The following UQCRC2 variants were observed in gnomAD, a reference collection of about 807,000 sequenced individuals.
UQCRC2 encodes cytochrome b-c1 complex subunit 2, mitochondrial.
Under a neutral mutation model 55.6 loss-of-function variants are expected in UQCRC2, and 49 were observed. The ratio of observed to expected loss-of-function variants is 0.88; its 90% CI spans 0.70 to 1.12. UQCRC2 has a LOEUF of 1.12. Ranked by LOEUF, UQCRC2 falls within the 50% of genes most tolerant of loss-of-function variation. UQCRC2 has a pLI of 0.00. For missense variants in UQCRC2, 506 were observed against 547.8 expected, an observed-to-expected ratio of 0.92 and a Z score of 0.76; for synonymous variants, 193 against 192.0, an observed-to-expected ratio of 1.01 and a Z score of -0.04.
At chr16:21,965,351 A>G in intron 6 of UQCRC2, 57 bp from the exon 7 acceptor site, 1 of 1,550,654 alleles carries the variant, frequency 6.4e-7, no homozygotes, top group South Asian at 1.1e-5. Context: ...TAGGTTTTAA[A>G]AATGTTGTCT....
In UQCRC2 at chr16:21,957,337, C is replaced by T. The variant is rs1294563813; in HGVS notation, c.117+19C>T. The T allele has an allele frequency of 6.2e-7, 1 of 1,613,972 alleles. No homozygotes were observed. Among genetic ancestry groups the T allele is most frequent in the Admixed American group, 1.7e-5 (1 of 60,012 alleles). ...CCTTGAGGTTAGTCCCACTAACTTG[C>T]TCGCTGGAAGCTATACATGCCTTAC... On this transcript the variant is annotated intron_variant, in intron 2 of 13. Coordinates refer to ENST00000268379, the MANE Select transcript of UQCRC2 (RefSeq NM_003366.4).
chr16:21,982,918 C>T (rs908886036), intron 13 of UQCRC2, among the ~76,000 whole-genome samples, 170 bp from the exon 14 acceptor site: 5 of 147,314 alleles, frequency 3.4e-5, no homozygotes, highest in African/African-American at 7.6e-5. Context: ...GAGCCAAGAT[C>T]GCAGCACTGC....
intron 4 of UQCRC2, among the ~76,000 whole-genome samples, chr16:21,958,817 A>C (rs1898136808): frequency 6.6e-6 from 1 of 152,154 alleles, no homozygotes; most frequent in South Asian, 2.1e-4. Flanking sequence ...ATATAGGCAT[A>C]CCTCAGAGAT....
intron 4 of UQCRC2, chr16:21,959,317 T>C (rs1392905500): frequency 3.3e-5 from 7 of 215,384 alleles, no homozygotes; most frequent in Non-Finnish European, 5.8e-5. Context: ...TTATGTAATA[T>C]TCTTTTTTAT....
chr16:21,983,191 G>T lies in UQCRC2; in HGVS notation c.*20G>T. The T allele has an allele frequency of 6.2e-7, 1 of 1,605,084 alleles. No homozygotes were observed. Among genetic ancestry groups the T allele is most frequent in the Non-Finnish European group, 8.5e-7 (1 of 1,172,740 alleles). ...TTGTAATACTGATGCACACATTACA[G>T]GAGAGAGCTGAACGTTCTCTCAGCC... On this transcript the variant is annotated 3_prime_UTR_variant, in exon 14 of 14. Coordinates refer to ENST00000268379, the MANE Select transcript of UQCRC2 (RefSeq NM_003366.4).
intron 9 of UQCRC2, 138 bp downstream of exon 9, chr16:21,971,758 T>C: frequency 1.5e-6 from 2 of 1,322,896 alleles, no homozygotes; most frequent in Non-Finnish European, 2.1e-6. Context: ...GTGTTGTATT[T>C]TGAGCATATG....
At chr16:21,958,785 T>C (rs574816397) in intron 4 of UQCRC2, among the ~76,000 whole-genome samples, 186 bp downstream of exon 4, 1 of 152,290 alleles carries the variant, frequency 6.6e-6, no homozygotes, top group South Asian at 2.1e-4. Context: ...TAAGTAACTG[T>C]CTGGGAGTAG....
In UQCRC2 at chr16:21,970,042, T is replaced by C. The variant is rs1265886167; in HGVS notation, c.670+1357T>C. ...TCTATAGATTTGACTATTCTGGACA[T>C]TTCCTATAAATGGAGTCATACGATA... On this transcript the variant is annotated intron_variant, in intron 8 of 13. Coordinates refer to ENST00000268379, the MANE Select transcript of UQCRC2 (RefSeq NM_003366.4). Among the ~76,000 whole-genome samples, 5 of 152,226 alleles carry C rather than the reference T, an allele frequency of 3.3e-5. No individual in the cohort carries two copies. The East Asian group carries it at 9.7e-4, about 29-fold the overall frequency.
intron 7 of UQCRC2, among the ~76,000 whole-genome samples, chr16:21,967,365 A>C (rs1378849965): frequency 1.3e-5 from 2 of 152,110 alleles, no homozygotes; most frequent in African/African-American, 4.8e-5. Flanking sequence ...TTTTTTTCTA[A>C]ACCTCTTACT....
At chr16:21,963,431 A>C (rs559255380) in intron 6 of UQCRC2, among the ~76,000 whole-genome samples, 1 of 152,032 alleles carries the variant, frequency 6.6e-6, no homozygotes. Flanking sequence ...AGATCCTAGA[A>C]GTTTTTCCTG....
Position 21,983,359 on chromosome 16 carries a change from AC to A in UQCRC2, c.*189del, listed in dbSNP as rs1898784577. On this transcript the variant is annotated 3_prime_UTR_variant, in exon 14 of 14. Coordinates refer to ENST00000268379, the MANE Select transcript of UQCRC2 (RefSeq NM_003366.4). The stretch of plus-strand genomic sequence containing the variant: ...AACATTCTGTTTAAGTGTTTTTCTT[AC>A]GTTTTTCTCAATGAGTTAATCAACA... 5.6e-6 allele frequency: 3 copies of A among 539,346 alleles called. No homozygotes were observed. The highest frequency in any genetic ancestry group is 9.6e-6 in the Non-Finnish European group (3 of 311,582). The allele number at this position is 539,346 out of a possible 1,614,324, so 33.4% of individuals were successfully genotyped here.
intron 3 of UQCRC2, 120 bp downstream of exon 3, chr16:21,957,686 C>G (rs1350145812): frequency 1.1e-5 from 15 of 1,402,016 alleles, no homozygotes; most frequent in African/African-American, 2.9e-5. Context: ...AACAAATTAC[C>G]ACGGACTGGG....
intron 8 of UQCRC2, among the ~76,000 whole-genome samples, chr16:21,970,871 C>T (rs2141940473): frequency 6.6e-6 from 1 of 152,262 alleles, no homozygotes; most frequent in East Asian, 1.9e-4. Context: ...CAGATGTGAG[C>T]CACCGTGCCC....
intron 4 of UQCRC2, among the ~76,000 whole-genome samples, chr16:21,962,009 C>T (rs1389517149): frequency 6.6e-6 from 1 of 152,094 alleles, no homozygotes; most frequent in African/African-American, 2.4e-5. Flanking sequence ...CCATCACCAA[C>T]ATTCAGCTCC....
Position 21,972,074 on chromosome 16 carries a change from C to T in UQCRC2, c.918C>T (p.Thr306=). ...GPHVKRGSNT[T]SHLHQAVAKA... ...ATGTCAAGAGGGGCAGCAACACCAC[C>T]AGCCATCTGCACCAGGCTGTTGCCA... The change falls in exon 10 of 14, where the codon ACC becomes ACT. Residue 306 remains threonine, a synonymous_variant. Transcript: ENST00000268379. The T allele has an allele frequency of 6.2e-7, 1 of 1,614,074 alleles. No homozygotes were observed. The highest frequency in any genetic ancestry group is 8.5e-7 in the Non-Finnish European group (1 of 1,179,996).
intron 12 of UQCRC2, among the ~76,000 whole-genome samples, chr16:21,977,419 C>T (rs1372793268): frequency 6.6e-6 from 1 of 151,932 alleles, no homozygotes; most frequent in Non-Finnish European, 1.5e-5. Flanking sequence ...ATAATCATAC[C>T]ACCAGTATAT....
chr16:21,981,734 G>T (rs1898733835), intron 13 of UQCRC2, among the ~76,000 whole-genome samples: 1 of 151,950 alleles, frequency 6.6e-6, no homozygotes, highest in Non-Finnish European at 1.5e-5. Flanking sequence ...CTGTACTCCA[G>T]GCTGGGCAAC....
intron 1 of UQCRC2, among the ~76,000 whole-genome samples, chr16:21,954,984 G>C (rs533939675): frequency 6.6e-6 from 1 of 150,862 alleles, no homozygotes; most frequent in East Asian, 1.9e-4. Context: ...GAACCCAGGA[G>C]GCGGAGGTTG....
intron 4 of UQCRC2, chr16:21,959,314 A>T: frequency 4.7e-6 from 1 of 214,408 alleles, no homozygotes; most frequent in South Asian, 5.7e-5. Context: ...AGATTATGTA[A>T]TATTCTTTTT....
Sources: gnomAD v4.1 joint callset for allele counts (sites outside exome capture counted in the v4.1 genomes callset) on GRCh38, gnomAD v4.1.1 for gene constraint, MANE v1.5 for transcripts, NCBI Gene and HGNC (gene_info 2026-07-23, HGNC 2026-07-21) for gene names.